Variants in EFCAB6 observed in about 807,000 individuals in gnomAD.
EFCAB6 encodes the protein EF-hand calcium binding domain 6.
A neutral mutation model predicts 169.8 loss-of-function variants in EFCAB6; 156 were observed. That is an observed-to-expected ratio of 0.92 (90% CI 0.81 to 1.05). EFCAB6 has a LOEUF of 1.05. Ranked by LOEUF, EFCAB6 falls within the 50% of genes least tolerant of loss-of-function variation. The probability of loss-of-function intolerance (pLI) is 0.00; values close to 1 mark genes in which losing one functional copy is unlikely to be tolerated. For synonymous variants in EFCAB6, 698 were observed against 676.4 expected (o/e 1.03, Z -0.50); for missense variants, 1,800 against 1,829.1 (o/e 0.98, Z 0.29).
In EFCAB6 at chr22:43,772,958, C is replaced by T. The variant is rs1382793253; in HGVS notation, c.285G>A (p.Leu95=). 5.6e-6 allele frequency: 9 copies of T among 1,614,204 alleles called. No homozygotes were observed. Among genetic ancestry groups the T allele is most frequent in the Non-Finnish European group, 7.6e-6 (9 of 1,180,042 alleles). Residue 95 remains leucine, a synonymous_variant, in exon 4 of 32, where the codon CTG becomes CTA. Transcript: ENST00000262726. ...GQNLTVSKSE[L]RRIITDFLMP... is the part of the protein sequence containing the mutation. ...TCAGGAAGTCTGTGATGATTCTTCT[C>T]AGTTCACTTTTTGACACAGTCAAGT...
intron 4 of EFCAB6, among the ~76,000 whole-genome samples, chr22:43,766,179 G>A (rs772213670): frequency 6.6e-6 from 1 of 152,114 alleles, no homozygotes; most frequent in African/African-American, 2.4e-5. Flanking sequence ...GGGACTATAG[G>A]CACACATCAC....
At position 43,554,646 on chromosome 22, in the gene EFCAB6, G is replaced by T. The variant is rs2048588060; in HGVS notation, c.3648+223C>A. ...AGCGGAGTTGAATTTGATTTTAAAG[G>T]CAACAGTGACAGTATTTGTACCCTG... On this transcript the variant is annotated intron_variant, in intron 27 of 31. Coordinates refer to ENST00000262726, the MANE Select transcript of EFCAB6 (RefSeq NM_022785.4). The T allele has an allele frequency of 5.4e-6, 3 of 553,944 alleles. No homozygotes were observed. In the Admixed American group the frequency reaches 9.8e-5, roughly 18 times the overall value. The allele number at this position is 553,944 out of a possible 1,614,324, so 34.3% of individuals were successfully genotyped here. A position where few individuals can be genotyped will look rare whatever the true frequency, so the allele number is the denominator to read the frequency against.
rs1263086184 is a variant in EFCAB6 at position 43,632,290 on chromosome 22, C to CTTT, written c.2099-53_2099-52insAAA. 205 of 1,361,510 alleles carry CTTT rather than the reference C, an allele frequency of 1.5e-4. No homozygotes were observed. The African/African-American group carries it at 2.6e-3, about 18-fold the overall frequency. 84.3% of individuals were successfully genotyped at this position (1,361,510 alleles called of 1,614,324 possible). A position where few individuals can be genotyped will look rare whatever the true frequency, so the allele number is the denominator to read the frequency against. Reference sequence around the variant, plus strand: ...TCCATTAGTGCCCATCAGCTTCATTCCTTCTTTTTTTTTTTTTTTTTTTTT... The same window carrying CTTT: ...TCCATTAGTGCCCATCAGCTTCATTCTTTCTTCTTTTTTTTTTTTTTTTTTTTT... On this transcript the variant is annotated intron_variant, in intron 18 of 31. Transcript: ENST00000262726.
chr22:43,786,577 C>T (rs960674042), intron 2 of EFCAB6, among the ~76,000 whole-genome samples: 5 of 151,940 alleles, frequency 3.3e-5, no homozygotes, highest in African/African-American at 1.2e-4. Flanking sequence ...AAAAAATTAG[C>T]AGGGCATGGT....
At chr22:43,578,980 G>A (rs989811683) in intron 25 of EFCAB6, among the ~76,000 whole-genome samples, 83 of 95,746 alleles carry the variant, frequency 8.7e-4, no homozygotes, top group African/African-American at 3.4e-3. Flanking sequence ...GCATCATTCC[G>A]TACACGCAGG....
At chr22:43,736,227 T>C (rs759957905) in intron 6 of EFCAB6, among the ~76,000 whole-genome samples, 2 of 152,200 alleles carry the variant, frequency 1.3e-5, no homozygotes, top group Non-Finnish European at 2.9e-5. Context: ...AAAAAAAATC[T>C]CTTTCTCATG....
chr22:43,670,308 G>A (rs529087288), intron 15 of EFCAB6, among the ~76,000 whole-genome samples: 2 of 152,290 alleles, frequency 1.3e-5, no homozygotes, highest in Non-Finnish European at 2.9e-5. Context: ...CACCTTTGGG[G>A]TTGTCAATTC....
intron 17 of EFCAB6, among the ~76,000 whole-genome samples, chr22:43,655,895 A>G (rs2056714949): frequency 6.6e-6 from 1 of 152,248 alleles, no homozygotes; most frequent in Admixed American, 6.5e-5. Flanking sequence ...CTCTTTGTCA[A>G]AAGAGTTATG....
intron 2 of EFCAB6, among the ~76,000 whole-genome samples, chr22:43,790,062 T>G (rs2062227650): frequency 6.6e-6 from 1 of 152,222 alleles, no homozygotes; most frequent in Non-Finnish European, 1.5e-5. Context: ...ATAAGAATTT[T>G]TTTTAATGTG....
chr22:43,554,999 G>T lies in EFCAB6; in HGVS notation c.3518C>A (p.Ala1173Glu), dbSNP rs778355376. ...GATGGCATGGTAATGGGAAGTCACT[G>T]CTTTGTGGAGGCGAGCCAGGATGTC... ...DRDILARLHK[A>E]VTSHYHAITQ... Residue 1173 changes from alanine to glutamate, a missense_variant, in exon 27 of 32, where the codon GCA (alanine) becomes GAA (glutamate). By Grantham distance (107) the Ala-to-Glu change is moderately radical (BLOSUM62 -1). Coordinates refer to ENST00000262726, the MANE Select transcript of EFCAB6 (RefSeq NM_022785.4). The T allele has an allele frequency of 4.3e-6, 7 of 1,614,102 alleles. No individual in the cohort carries two copies. Among genetic ancestry groups the T allele is most frequent in the African/African-American group, 1.3e-5 (1 of 74,924 alleles).
At chr22:43,811,442 G>C (rs555116911) in intron 1 of EFCAB6, among the ~76,000 whole-genome samples, 1 of 152,176 alleles carries the variant, frequency 6.6e-6, no homozygotes, top group Non-Finnish European at 1.5e-5. Flanking sequence ...CTCTTAACAG[G>C]GGCAAGACAT....
chr22:43,532,825 A>G (rs1326296783), intron 30 of EFCAB6, among the ~76,000 whole-genome samples: 1 of 143,866 alleles, frequency 7.0e-6, no homozygotes, highest in Non-Finnish European at 1.5e-5. Flanking sequence ...GAGCGGGGCC[A>G]GGTGGGGGGT....
At chr22:43,739,180 T>C (rs2060276608) in intron 6 of EFCAB6, among the ~76,000 whole-genome samples, 1 of 152,246 alleles carries the variant, frequency 6.6e-6, no homozygotes, top group African/African-American at 2.4e-5. Context: ...GCACAAACAC[T>C]GTTCTTGTCA....
chr22:43,608,583 A>T lies in EFCAB6; in HGVS notation c.2580T>A (p.Asp860Glu). The T allele has an allele frequency of 6.2e-7, 1 of 1,614,188 alleles. No individual in the cohort carries two copies. Among genetic ancestry groups the T allele is most frequent in the Non-Finnish European group, 8.5e-7 (1 of 1,180,020 alleles). Residue 860 changes from aspartate (D) to glutamate (E), a missense_variant, in exon 22 of 32, where the codon GAT becomes GAA. Coordinates refer to ENST00000262726, the MANE Select transcript of EFCAB6 (RefSeq NM_022785.4). ...GTCGAAGAATGCCATTGCCCTCATT[A>T]TCGGTTTCTAGAAAATTCTACAACA... is the stretch of plus-strand genomic sequence containing the variant. ...SDLSKNFLET[D>E]NEGNGILRRR...
intron 6 of EFCAB6, among the ~76,000 whole-genome samples, chr22:43,752,266 C>T (rs917904406): frequency 2.6e-5 from 4 of 151,972 alleles, no homozygotes; most frequent in Admixed American, 2.6e-4. Context: ...TACTGGTGTG[C>T]GCCACCATGC....
chr22:43,738,993 C>T (rs903498072), intron 6 of EFCAB6, among the ~76,000 whole-genome samples: 17 of 152,108 alleles, frequency 1.1e-4, no homozygotes, highest in African/African-American at 3.9e-4. Flanking sequence ...TGCTCCTGCC[C>T]GTCCTACTCC....
chr22:43,607,645 A>G lies in EFCAB6; in HGVS notation c.2681+837T>C, dbSNP rs370500413. On this transcript the variant is annotated intron_variant, in intron 22 of 31. Coordinates refer to ENST00000262726, the MANE Select transcript of EFCAB6 (RefSeq NM_022785.4). ...AATTAGACACAAAACAACCCACCTA[A>G]TTCTAAACTTGGCCAACATTTCAGC... 2.0e-3 allele frequency among the ~76,000 whole-genome samples: 306 copies of G among 152,312 alleles called. 1 individual carries two copies. Among genetic ancestry groups the G allele is most frequent in the Middle Eastern group, 0.014 (4 of 292 alleles).
intron 9 of EFCAB6, among the ~76,000 whole-genome samples, chr22:43,711,997 CCAAT>C (rs1403753028): frequency 2.0e-5 from 3 of 152,080 alleles, no homozygotes; most frequent in Non-Finnish European, 2.9e-5. Context: ...TTAAATCAGG[CCAAT>C]CAAACAAAAA....
intron 10 of EFCAB6, among the ~76,000 whole-genome samples, chr22:43,711,262 A>T (rs959487789): frequency 6.6e-6 from 1 of 152,212 alleles, no homozygotes; most frequent in African/African-American, 2.4e-5. Context: ...GCAGGAATAC[A>T]AATGAAATAA....
Sources: allele counts gnomAD v4.1 joint callset (sites outside exome capture counted in the v4.1 genomes callset), GRCh38; gene constraint gnomAD v4.1.1; transcripts MANE v1.5; gene names NCBI Gene and HGNC (gene_info 2026-07-23, HGNC 2026-07-21).